LRRTM4: variants seen among roughly 807,000 people sequenced by gnomAD.
The protein encoded by LRRTM4 is leucine-rich repeat transmembrane neuronal protein 4.
Under a neutral mutation model 47.6 loss-of-function variants are expected in LRRTM4, and 25 were observed. That is an observed-to-expected ratio of 0.53 (90% CI 0.38 to 0.73). The LOEUF (loss-of-function observed/expected upper bound fraction) is 0.73. Ranked by LOEUF, LRRTM4 falls within the 30% of genes least tolerant of loss-of-function variation. The probability of loss-of-function intolerance (pLI) is 0.00; values close to 1 mark genes in which losing one functional copy is unlikely to be tolerated. For synonymous variants in LRRTM4, 311 were observed against 269.5 expected, an observed-to-expected ratio of 1.15 and a Z score of -1.51; for missense variants, 638 against 713.4, an observed-to-expected ratio of 0.89 and a Z score of 1.20.
intron 3 of LRRTM4, among the ~76,000 whole-genome samples, chr2:77,204,102 T>C (rs563827850): frequency 6.6e-6 from 1 of 152,278 alleles, no homozygotes; most frequent in East Asian, 1.9e-4. Context: ...TACATTGACA[T>C]GTTACCCATG....
At chr2:77,128,684 G>T (rs1055688604) in intron 3 of LRRTM4, among the ~76,000 whole-genome samples, 1 of 152,168 alleles carries the variant, frequency 6.6e-6, no homozygotes, top group Admixed American at 6.5e-5. Flanking sequence ...CCAGGCTGGA[G>T]GCTGGAGTGC....
intron 3 of LRRTM4, among the ~76,000 whole-genome samples, chr2:77,108,966 A>G (rs1317705347): frequency 1.3e-5 from 2 of 152,238 alleles, no homozygotes; most frequent in Non-Finnish European, 2.9e-5. Context: ...TTCTGTTAAC[A>G]TAGCAGACCA....
intron 3 of LRRTM4, among the ~76,000 whole-genome samples, chr2:77,062,182 C>T (rs1679808544): frequency 6.6e-6 from 1 of 152,092 alleles, no homozygotes; most frequent in Non-Finnish European, 1.5e-5. Flanking sequence ...TGCATATTTA[C>T]ATTATTGGAC....
intron 3 of LRRTM4, among the ~76,000 whole-genome samples, chr2:77,091,253 A>C (rs1670628365): frequency 6.7e-6 from 1 of 148,366 alleles, no homozygotes; most frequent in African/African-American, 2.5e-5. Flanking sequence ...GTATCCCCCC[A>C]CCTTAACCCA....
chr2:77,435,569 C>T (rs906831379), intron 3 of LRRTM4, among the ~76,000 whole-genome samples: 4 of 151,916 alleles, frequency 2.6e-5, no homozygotes, highest in African/African-American at 7.3e-5. Context: ...AAAGTCATAC[C>T]GAATGGGCCA....
intron 3 of LRRTM4, among the ~76,000 whole-genome samples, chr2:76,989,350 A>G (rs1573411281): frequency 6.6e-6 from 1 of 151,858 alleles, no homozygotes; most frequent in Non-Finnish European, 1.5e-5. Context: ...GACCCACAAC[A>G]AAGATTTTCT....
intron 3 of LRRTM4, among the ~76,000 whole-genome samples, chr2:76,831,102 G>A (rs899049427): frequency 2.6e-5 from 4 of 152,060 alleles, no homozygotes; most frequent in Non-Finnish European, 1.5e-5. Flanking sequence ...TGCTAGTAGA[G>A]ATTGCCTTTC....
At chr2:77,276,456 C>A (rs1676357212) in intron 3 of LRRTM4, among the ~76,000 whole-genome samples, 1 of 149,424 alleles carries the variant, frequency 6.7e-6, no homozygotes, top group African/African-American at 2.5e-5. Flanking sequence ...AGGAAAGAAT[C>A]TTGTCATAGG....
chr2:77,248,344 AGC>A (rs1352756477), intron 3 of LRRTM4, among the ~76,000 whole-genome samples: 1 of 152,032 alleles, frequency 6.6e-6, no homozygotes, highest in Non-Finnish European at 1.5e-5. Flanking sequence ...AATCTAACAA[AGC>A]ATGTACAAGA....
intron 3 of LRRTM4, among the ~76,000 whole-genome samples, chr2:77,344,814 C>G (rs1264803439): frequency 6.6e-6 from 1 of 151,544 alleles, no homozygotes; most frequent in Non-Finnish European, 1.5e-5. Context: ...ATGAGTCAGT[C>G]TCTCTGCGAC....
At chr2:77,518,254 G>GATCA (rs1679303051) in intron 3 of LRRTM4, 64 bp downstream of exon 3, 2 of 1,466,236 alleles carry the variant, frequency 1.4e-6, no homozygotes, top group Non-Finnish European at 1.8e-6. Context: ...CACCTCTAGG[G>GATCA]CTTCAAACAT....
intron 3 of LRRTM4, among the ~76,000 whole-genome samples, chr2:76,767,973 T>C (rs570145260): frequency 1.3e-5 from 2 of 152,320 alleles, no homozygotes; most frequent in East Asian, 3.9e-4. Context: ...CATTTAAACA[T>C]TAATTTTCTA....
At chr2:77,058,634 TTAGAA>T (rs1286858842) in intron 3 of LRRTM4, among the ~76,000 whole-genome samples, 1 of 152,128 alleles carries the variant, frequency 6.6e-6, no homozygotes, top group Non-Finnish European at 1.5e-5. Flanking sequence ...TCAAGGGTAA[TTAGAA>T]TATTATTCAT....
At chr2:77,246,122 T>C (rs1295528774) in intron 3 of LRRTM4, among the ~76,000 whole-genome samples, 1 of 152,196 alleles carries the variant, frequency 6.6e-6, no homozygotes. Context: ...ATGTGTGTGA[T>C]TCTAGATATA....
rs56982328 is a variant in LRRTM4, at chr2:77,011,531, T to TTGTGTGTGTGTG, written c.1552-262627_1552-262616dup. On this transcript the variant is annotated intron_variant, in intron 3 of 3. Coordinates refer to ENST00000409884, the MANE Select transcript of LRRTM4 (RefSeq NM_001134745.3). ...CAGACTGGCAACTAGGAAGAAGCATTTGTGTGTGTGTGTGTGTGTGTGTGT... is the reference window on the plus strand; with the variant it reads ...CAGACTGGCAACTAGGAAGAAGCATTTGTGTGTGTGTGTGTGTGTGTGTGTGTGTGTGTGTGT... 3.5e-4 allele frequency among the ~76,000 whole-genome samples: 50 copies of TTGTGTGTGTGTG among 144,146 alleles called. 1 individual carries two copies. Among genetic ancestry groups the TTGTGTGTGTGTG allele is most frequent in the Non-Finnish European group, 4.7e-4 (31 of 65,606 alleles). The allele number at this position is 144,146 out of a possible 152,430, so 94.6% of individuals were successfully genotyped here. A position where few individuals can be genotyped will look rare whatever the true frequency, so the allele number is the denominator to read the frequency against.
At chr2:77,069,048 T>C (rs940424926) in intron 3 of LRRTM4, among the ~76,000 whole-genome samples, 11 of 152,338 alleles carry the variant, frequency 7.2e-5, no homozygotes, top group Admixed American at 6.5e-5. Context: ...TTAGTTAGTT[T>C]GATATCTATA....
chr2:76,966,899 T>C (rs1174557385), intron 3 of LRRTM4, among the ~76,000 whole-genome samples: 4 of 151,550 alleles, frequency 2.6e-5, no homozygotes, highest in African/African-American at 9.7e-5. Context: ...ATTGTTCATC[T>C]GGGTCCTTAA....
intron 3 of LRRTM4, among the ~76,000 whole-genome samples, chr2:76,817,226 T>C (rs1326329940): frequency 2.6e-5 from 4 of 151,888 alleles, no homozygotes; most frequent in African/African-American, 9.7e-5. Flanking sequence ...TATCAATGAA[T>C]CAAGAAATTG....
At chr2:76,816,554 ATTTT>A (rs1670901432) in intron 3 of LRRTM4, among the ~76,000 whole-genome samples, 1 of 151,834 alleles carries the variant, frequency 6.6e-6, no homozygotes, top group African/African-American at 2.4e-5. Flanking sequence ...ATTTTTATTT[ATTTT>A]TTATTTTTTT....
Sources: gnomAD v4.1 joint callset for allele counts (sites outside exome capture counted in the v4.1 genomes callset) on GRCh38, gnomAD v4.1.1 for gene constraint, MANE v1.5 for transcripts, NCBI Gene and HGNC (gene_info 2026-07-23, HGNC 2026-07-21) for gene names.